The following ANKS1B variants were observed in gnomAD, a reference collection of about 807,000 sequenced individuals.
ANKS1B encodes ankyrin repeat and sterile alpha motif domain-containing protein 1B.
Under a neutral mutation model 148.3 loss-of-function variants are expected in ANKS1B, and 36 were observed. The observed-to-expected ratio is 0.24, with a 90% CI of 0.19 to 0.32. ANKS1B has a LOEUF of 0.32. ANKS1B is among the 10% of genes least tolerant of loss of function. ANKS1B has a pLI of 1.00. For synonymous variants in ANKS1B, 542 were observed against 560.8 expected (o/e 0.97, Z 0.47); for missense variants, 1,157 against 1,542.6 (o/e 0.75, Z 4.19).
chr12:99,220,142 G>A (rs1193746451), intron 14 of ANKS1B, among the ~76,000 whole-genome samples: 1 of 152,092 alleles, frequency 6.6e-6, no homozygotes, highest in Non-Finnish European at 1.5e-5. Context: ...TGAGATTAAA[G>A]GTGCATGCCA....
In ANKS1B at chr12:99,319,247, T is replaced by C. The variant is rs557519730; in HGVS notation, c.1757-72383A>G. ...TATCCTTGTTAACTTTCTGTCTTGT[T>C]GATCTGTCTAATGTTGACAGTGGGG... is the stretch of plus-strand genomic sequence containing the variant. On this transcript the variant is annotated intron_variant, in intron 12 of 26. Coordinates refer to ENST00000683438, the MANE Select transcript of ANKS1B (RefSeq NM_001352186.2). 5.8e-3 allele frequency among the ~76,000 whole-genome samples: 885 copies of C among 152,326 alleles called. 5 individuals carry two copies. The highest frequency in any genetic ancestry group is 0.034 in the South Asian group (164 of 4,826).
At chr12:99,735,559 C>T (rs542418226) in intron 8 of ANKS1B, among the ~76,000 whole-genome samples, 70 of 152,104 alleles carry the variant, frequency 4.6e-4, no homozygotes, top group African/African-American at 1.6e-3. Context: ...AAGAATAAAT[C>T]AGGAAGATAC....
chr12:98,901,172 A>C (rs2099771472), intron 17 of ANKS1B, among the ~76,000 whole-genome samples: 1 of 152,262 alleles, frequency 6.6e-6, no homozygotes, highest in Middle Eastern at 3.2e-3. Context: ...CGAGTGAAAG[A>C]AAGCTTGGGA....
At chr12:99,244,627 T>C (rs557745990) in intron 13 of ANKS1B, among the ~76,000 whole-genome samples, 87 of 152,364 alleles carry the variant, frequency 5.7e-4, no homozygotes, top group African/African-American at 2.1e-3. Context: ...TCTTAAACTT[T>C]CAAAATTAGT....
chr12:99,716,215 T>C (rs1190905551), intron 8 of ANKS1B, among the ~76,000 whole-genome samples: 2 of 151,794 alleles, frequency 1.3e-5, no homozygotes, highest in African/African-American at 4.8e-5. Flanking sequence ...CCTGACCTCT[T>C]ATCTCTGCAC....
chr12:99,423,820 C>T (rs921079509), intron 11 of ANKS1B, among the ~76,000 whole-genome samples: 7 of 152,060 alleles, frequency 4.6e-5, no homozygotes, highest in African/African-American at 1.7e-4. Flanking sequence ...GAGAATAACA[C>T]ACACTGGGAC....
chr12:98,833,778 C>G (rs2099345776), intron 17 of ANKS1B, among the ~76,000 whole-genome samples: 1 of 152,138 alleles, frequency 6.6e-6, no homozygotes, highest in African/African-American at 2.4e-5. Flanking sequence ...CCAGTGTTCA[C>G]TGTTGCCATC....
At chr12:99,135,547 G>T (rs554071731) in intron 15 of ANKS1B, among the ~76,000 whole-genome samples, 1 of 152,264 alleles carries the variant, frequency 6.6e-6, no homozygotes, top group South Asian at 2.1e-4. Context: ...AACAACGTCA[G>T]ACTCCTCATC....
intron 12 of ANKS1B, among the ~76,000 whole-genome samples, chr12:99,389,110 G>T (rs1466907396): frequency 1.3e-5 from 2 of 152,194 alleles, no homozygotes; most frequent in Non-Finnish European, 2.9e-5. Context: ...GCCAATGACA[G>T]ATTTGAAGAG....
chr12:98,966,323 G>A (rs2099877852), intron 17 of ANKS1B, among the ~76,000 whole-genome samples: 1 of 152,174 alleles, frequency 6.6e-6, no homozygotes, highest in South Asian at 2.1e-4. Flanking sequence ...GGCCATCAGA[G>A]AAATGCAAAT....
At chr12:99,913,878 A>G (rs990086174) in intron 1 of ANKS1B, among the ~76,000 whole-genome samples, 2 of 152,154 alleles carry the variant, frequency 1.3e-5, no homozygotes, top group Non-Finnish European at 2.9e-5. Context: ...CCACCAATAC[A>G]AACAATAGGC....
intron 17 of ANKS1B, among the ~76,000 whole-genome samples, chr12:98,907,463 AC>A (rs2099780903): frequency 6.6e-6 from 1 of 151,490 alleles, no homozygotes; most frequent in South Asian, 2.1e-4. Flanking sequence ...TGCCCACTCC[AC>A]CCCCTTACCC....
At chr12:99,166,629 A>G (rs567463578) in intron 14 of ANKS1B, among the ~76,000 whole-genome samples, 2 of 152,080 alleles carry the variant, frequency 1.3e-5, no homozygotes, top group South Asian at 4.1e-4. Flanking sequence ...ATAAATGGAA[A>G]GATATACTAT....
chr12:99,022,285 T>C (rs2099946260), intron 17 of ANKS1B, among the ~76,000 whole-genome samples: 1 of 152,104 alleles, frequency 6.6e-6, no homozygotes, highest in South Asian at 2.1e-4. Context: ...TTGGAGAGGA[T>C]CAGGATCTAA....
At chr12:99,790,469 C>A (rs1334813547) in intron 4 of ANKS1B, among the ~76,000 whole-genome samples, 1 of 151,962 alleles carries the variant, frequency 6.6e-6, no homozygotes, top group Non-Finnish European at 1.5e-5. Flanking sequence ...TCCAGAATAA[C>A]CCTGTAATTA....
chr12:98,912,540 C>A (rs1002938304), intron 17 of ANKS1B, among the ~76,000 whole-genome samples: 6 of 152,188 alleles, frequency 3.9e-5, no homozygotes, highest in Non-Finnish European at 8.8e-5. Flanking sequence ...CACCACGTGT[C>A]TTGTTTACCT....
At chr12:99,405,770 C>A (rs1310701570) in intron 11 of ANKS1B, among the ~76,000 whole-genome samples, 2 of 143,112 alleles carry the variant, frequency 1.4e-5, no homozygotes, top group Non-Finnish European at 3.1e-5. Flanking sequence ...AAAAAAAGAC[C>A]CAACAATCTA....
At chr12:99,674,046 C>A (rs1385921359) in intron 8 of ANKS1B, among the ~76,000 whole-genome samples, 2 of 151,696 alleles carry the variant, frequency 1.3e-5, no homozygotes, top group Non-Finnish European at 3.0e-5. Context: ...AAACAACTAA[C>A]AATAACCTTA....
rs963485459 is a variant in ANKS1B, at chr12:99,576,056, T to C, written c.1273-71415A>G. Among the ~76,000 whole-genome samples the C allele has an allele frequency of 7.9e-5, 12 of 152,150 alleles. No individual in the cohort carries two copies. In the South Asian group the frequency reaches 1.9e-3, roughly 24 times the overall value. ...CTCAAAATAAAGGGACGGAGAAATA[T>C]CTATCAAGCAAACAGAAAACACAAA... On this transcript the variant is annotated intron_variant, in intron 9 of 26. Transcript: ENST00000683438.
Sources: allele counts gnomAD v4.1 joint callset (sites outside exome capture counted in the v4.1 genomes callset), GRCh38; gene constraint gnomAD v4.1.1; transcripts MANE v1.5; gene names NCBI Gene and HGNC (gene_info 2026-07-23, HGNC 2026-07-21).